ABCG2: variants seen among roughly 807,000 people sequenced by gnomAD.
ABCG2 encodes the protein ATP binding cassette subfamily G member 2 (JR blood group).
ABCG2 carries 80 observed loss-of-function variants against 73.5 expected under a neutral mutation model. The ratio of observed to expected loss-of-function variants is 1.09; its 90% CI spans 0.91 to 1.31. The LOEUF (loss-of-function observed/expected upper bound fraction) is 1.31, where lower values mean the gene tolerates loss of function less well. Among genes scored for constraint, ABCG2 ranks in the 50% most tolerant of loss-of-function variants. The pLI, the probability that ABCG2 is intolerant of heterozygous loss-of-function variation, is 0.00. For missense variants in ABCG2, 796 were observed against 786.2 expected, an observed-to-expected ratio of 1.01 and a Z score of -0.15; for synonymous variants, 269 against 282.4, an observed-to-expected ratio of 0.95 and a Z score of 0.48.
At chr4:88,210,574 T>C (rs996035068) in intron 1 of ABCG2, among the ~76,000 whole-genome samples, 2 of 140,790 alleles carry the variant, frequency 1.4e-5, no homozygotes, top group African/African-American at 5.4e-5. Flanking sequence ...CTGGTAGCTA[T>C]AAATACATAC....
chr4:88,228,784 A>G (rs1460289083), intron 1 of ABCG2, among the ~76,000 whole-genome samples: 3 of 152,032 alleles, frequency 2.0e-5, no homozygotes, highest in African/African-American at 7.3e-5. Flanking sequence ...CTCTGTAAAA[A>G]CACACCAATC....
intron 1 of ABCG2, among the ~76,000 whole-genome samples, chr4:88,203,434 C>T (rs541404392): frequency 3.1e-4 from 47 of 152,166 alleles, no homozygotes; most frequent in African/African-American, 1.1e-3. Context: ...TTAGAATGTT[C>T]GAATATTGGA....
chr4:88,094,028 C>T (rs1032438353), intron 15 of ABCG2, among the ~76,000 whole-genome samples: 23 of 152,094 alleles, frequency 1.5e-4, no homozygotes, highest in African/African-American at 1.2e-4. Context: ...CATGACTATG[C>T]GGCCTTTGAT....
Position 88,207,765 on chromosome 4 carries a change from G to A in ABCG2, c.-20+23229C>T, listed in dbSNP as rs911544195. On this transcript the variant is annotated intron_variant, in intron 1 of 15. Coordinates refer to the ABCG2 transcript ENST00000515655. ...CCACTATGTTATGCAGGCTAGTCTC[G>A]AACTCCTGAGCTCAAACAGTCCTCC... Among the ~76,000 whole-genome samples the A allele has an allele frequency of 4.0e-5, 6 of 151,874 alleles. No homozygotes were observed. In the East Asian group the frequency reaches 5.8e-4, roughly 15 times the overall value.
At chr4:88,224,291 A>T (rs914290045) in intron 1 of ABCG2, among the ~76,000 whole-genome samples, 8 of 152,224 alleles carry the variant, frequency 5.3e-5, no homozygotes, top group African/African-American at 1.9e-4. Context: ...ACAAAAAATT[A>T]TCTGGGTGTG....
chr4:88,211,285 G>A (rs372512312), intron 1 of ABCG2, among the ~76,000 whole-genome samples: 1 of 151,344 alleles, frequency 6.6e-6, no homozygotes, highest in East Asian at 1.9e-4. Flanking sequence ...GCATACTGGT[G>A]GGGACTGAGC....
intron 9 of ABCG2, among the ~76,000 whole-genome samples, chr4:88,112,125 C>T (rs1326400709): frequency 6.6e-6 from 1 of 151,358 alleles, no homozygotes; most frequent in African/African-American, 2.4e-5. Context: ...ATAACAAAAA[C>T]CACAAGGAGT....
intron 1 of ABCG2, among the ~76,000 whole-genome samples, chr4:88,157,270 C>A (rs1578242197): frequency 3.3e-5 from 5 of 152,142 alleles, no homozygotes; most frequent in African/African-American, 1.2e-4. Context: ...GTCTTCTTCA[C>A]TAGTGTCAAG....
At chr4:88,225,621 T>A (rs551448358) in intron 1 of ABCG2, among the ~76,000 whole-genome samples, 78 of 152,286 alleles carry the variant, frequency 5.1e-4, no homozygotes, top group African/African-American at 1.8e-3. Flanking sequence ...GGCTTTGATG[T>A]AGACAGGAAG....
chr4:88,155,366 T>C (rs1453682594), intron 1 of ABCG2, among the ~76,000 whole-genome samples: 5 of 151,932 alleles, frequency 3.3e-5, no homozygotes, highest in African/African-American at 1.2e-4. Context: ...AGGAAGAAAT[T>C]TGGGTTTGAC....
chr4:88,137,064 A>ATAAAATAAAATAAAATAAAATAAAAT (rs1725308795), intron 2 of ABCG2, among the ~76,000 whole-genome samples: 3 of 150,824 alleles, frequency 2.0e-5, no homozygotes, highest in East Asian at 1.9e-4. Flanking sequence ...ATAAAATAAG[A>ATAAAATAAAATAAAATAAAATAAAAT]ATGAGGAGAT....
chr4:88,187,959 G>A (rs890463281), intron 1 of ABCG2, among the ~76,000 whole-genome samples: 4 of 152,184 alleles, frequency 2.6e-5, no homozygotes, highest in Non-Finnish European at 4.4e-5. Context: ...TTTAGTCATC[G>A]TAATATCTGG....
At chr4:88,129,634 A>G (rs1724700032) in intron 5 of ABCG2, among the ~76,000 whole-genome samples, 1 of 152,198 alleles carries the variant, frequency 6.6e-6, no homozygotes, top group African/African-American at 2.4e-5. Flanking sequence ...TTCCAAACAA[A>G]ATACAGTAAA....
chr4:88,184,939 A>C (rs938770716), intron 1 of ABCG2, among the ~76,000 whole-genome samples: 1 of 152,228 alleles, frequency 6.6e-6, no homozygotes, highest in African/African-American at 2.4e-5. Flanking sequence ...AAGAACATAC[A>C]GTGGGAAAAG....
chr4:88,145,850 G>A (rs988628723), intron 1 of ABCG2, among the ~76,000 whole-genome samples: 10 of 152,098 alleles, frequency 6.6e-5, no homozygotes, highest in Non-Finnish European at 1.2e-4. Context: ...CAGGAGAATC[G>A]CTTGAATTCA....
intron 1 of ABCG2, among the ~76,000 whole-genome samples, chr4:88,203,988 G>T (rs111751340): frequency 1.8e-3 from 278 of 152,068 alleles, no homozygotes; most frequent in Middle Eastern, 6.8e-3. Context: ...TAAAAGAAAA[G>T]GTAACTCTTT....
At chr4:88,206,913 G>A (rs572987526) in intron 1 of ABCG2, among the ~76,000 whole-genome samples, 11 of 152,166 alleles carry the variant, frequency 7.2e-5, no homozygotes, top group Admixed American at 5.2e-4. Context: ...GTCCCCACCC[G>A]ACCCAGAAGC....
chr4:88,146,012 G>A (rs369546102), intron 1 of ABCG2, among the ~76,000 whole-genome samples: 9 of 152,178 alleles, frequency 5.9e-5, no homozygotes, highest in African/African-American at 2.2e-4. Flanking sequence ...GCAAGGACTA[G>A]CGGGGAGGTA....
chr4:88,132,896 C>T (rs942550928), intron 2 of ABCG2, among the ~76,000 whole-genome samples: 1 of 151,448 alleles, frequency 6.6e-6, no homozygotes, highest in Non-Finnish European at 1.5e-5. Context: ...TAGGGAGACA[C>T]TGTCTCTACT....
Sources: allele counts gnomAD v4.1 joint callset (sites outside exome capture counted in the v4.1 genomes callset), GRCh38; gene constraint gnomAD v4.1.1; transcripts MANE v1.5; gene names NCBI Gene and HGNC (gene_info 2026-07-23, HGNC 2026-07-21).